The following OPA3 variants were observed in gnomAD, a reference collection of about 807,000 sequenced individuals.
OPA3 encodes optic atrophy 3 protein.
Under a neutral mutation model 4.0 loss-of-function variants are expected in OPA3, and 6 were observed. The ratio of observed to expected loss-of-function variants is 1.51; its 90% CI spans 0.83 to 2.99. OPA3 has a LOEUF of 2.99. Among genes scored for constraint, OPA3 ranks in the 30% most tolerant of loss-of-function variants. The pLI is 0.00. For missense variants in OPA3, 235 were observed against 256.2 expected (o/e 0.92, Z 0.56); for synonymous variants, 105 against 117.1 (o/e 0.90, Z 0.67).
At chr19:45,580,695 T>C (rs1283839882) in intron 1 of OPA3, among the ~76,000 whole-genome samples, 2 of 151,366 alleles carry the variant, frequency 1.3e-5, no homozygotes, top group African/African-American at 4.9e-5. Flanking sequence ...CTTGGCTCAC[T>C]GCAACCTCTG....
At chr19:45,557,002 A>G (rs1171106114) in intron 1 of OPA3, among the ~76,000 whole-genome samples, 1 of 152,152 alleles carries the variant, frequency 6.6e-6, no homozygotes, top group East Asian at 1.9e-4. Flanking sequence ...CACTCGCCAG[A>G]CCTGGTGGTG....
At position 45,553,273 on chromosome 19, in the gene OPA3, G is replaced by A. The variant is rs1243189254; in HGVS notation, c.*241C>T. 2 of 1,424,174 alleles carry A rather than the reference G, an allele frequency of 1.4e-6. No individual in the cohort carries two copies. The highest frequency in any genetic ancestry group is 2.6e-5 in the East Asian group (1 of 39,170). 88.2% of individuals were successfully genotyped at this position (1,424,174 alleles called of 1,614,324 possible). On this transcript the variant is annotated 3_prime_UTR_variant, in exon 2 of 2. Transcript: ENST00000263275. ...CCTGCTGGCTGGGACCTTGCAGGTC[G>A]TCCTGGTTTGGAGTGGGGGATAGGA...
downstream of OPA3, among the ~76,000 whole-genome samples, chr19:45,545,737 G>A (rs919949208): frequency 7.0e-5 from 10 of 142,580 alleles, no homozygotes; most frequent in African/African-American, 2.6e-4. Flanking sequence ...TTTTGAGATG[G>A]AGTCTCACTC....
At chr19:45,559,801 G>A (rs1969478211) in intron 1 of OPA3, among the ~76,000 whole-genome samples, 1 of 151,378 alleles carries the variant, frequency 6.6e-6, no homozygotes, top group South Asian at 2.1e-4. Context: ...CATAGGCTGG[G>A]TCAGACACAT....
In OPA3 at chr19:45,548,952, C is replaced by T. The variant is rs1302801192; in HGVS notation, c.*4562G>A. 6.4e-6 allele frequency: 2 copies of T among 312,914 alleles called. No individual in the cohort carries two copies. The highest frequency in any genetic ancestry group is 2.3e-5 in the African/African-American group (1 of 44,040). 19.4% of individuals were successfully genotyped at this position (312,914 alleles called of 1,614,324 possible). A position where few individuals can be genotyped will look rare whatever the true frequency, so the allele number is the denominator to read the frequency against. Reference sequence around the variant, plus strand: ...CCGAGTAGGTGGGATTACAGGTGCACAACCACCATGCCCAGCTAATTTTTG... The same window carrying T: ...CCGAGTAGGTGGGATTACAGGTGCATAACCACCATGCCCAGCTAATTTTTG... On this transcript the variant is annotated 3_prime_UTR_variant, in exon 2 of 2. Coordinates refer to ENST00000263275, the MANE Select transcript of OPA3 (RefSeq NM_025136.4).
downstream of OPA3, among the ~76,000 whole-genome samples, chr19:45,543,035 G>A (rs1356876063): frequency 6.6e-6 from 1 of 150,562 alleles, no homozygotes; most frequent in Admixed American, 6.6e-5. Flanking sequence ...TTTGAGACAG[G>A]GTCTCACTCT....
chr19:45,577,990 G>A (rs898045093), intron 1 of OPA3, among the ~76,000 whole-genome samples: 5 of 152,302 alleles, frequency 3.3e-5, no homozygotes, highest in East Asian at 3.9e-4. Context: ...GGTGGCTCAC[G>A]CCTGTAATCC....
chr19:45,572,491 GATATATGAGATATATATC>G (rs1265485964), intron 1 of OPA3, among the ~76,000 whole-genome samples: 1 of 115,116 alleles, frequency 8.7e-6, no homozygotes, highest in African/African-American at 2.9e-5. Flanking sequence ...TATATATCGA[GATATATGAGATATATATC>G]ATATATGAGA....
chr19:45,553,914 G>T lies in OPA3; in HGVS notation c.143-3C>A. On this transcript the variant is annotated splice_polypyrimidine_tract_variant and splice_region_variant and intron_variant, in intron 1 of 1. Coordinates refer to ENST00000263275, the MANE Select transcript of OPA3 (RefSeq NM_025136.4). Reference sequence around the variant, plus strand: ...CCGCATCTCCACCCAGTGATACACTGCGGGGGAAGAGAGGGGTCAGGCTGC... The same window carrying T: ...CCGCATCTCCACCCAGTGATACACTTCGGGGGAAGAGAGGGGTCAGGCTGC... 1 of 1,602,042 alleles carries T rather than the reference G, an allele frequency of 6.2e-7. No individual in the cohort carries two copies. The highest frequency in any genetic ancestry group is 8.5e-7 in the Non-Finnish European group (1 of 1,170,898).
chr19:45,528,771 T>C (rs1449944822), exon 2 of OPA3: 1 of 386,276 alleles, frequency 2.6e-6, no homozygotes, highest in South Asian at 6.5e-5. Flanking sequence ...ACGCTGTCTT[T>C]CCAAAGTGCT....
downstream of OPA3, among the ~76,000 whole-genome samples, chr19:45,544,165 T>A (rs1263473325): frequency 1.3e-5 from 2 of 152,192 alleles, no homozygotes; most frequent in Non-Finnish European, 2.9e-5. Context: ...CATTTTGGGA[T>A]CTGAGCCCAT....
At chr19:45,555,211 T>C (rs1969402546) in intron 1 of OPA3, among the ~76,000 whole-genome samples, 1 of 152,248 alleles carries the variant, frequency 6.6e-6, no homozygotes, top group African/African-American at 2.4e-5. Flanking sequence ...AATTTCTGTA[T>C]GTATTTTGGT....
chr19:45,581,832 T>C (rs540704370), intron 1 of OPA3, among the ~76,000 whole-genome samples: 3 of 152,224 alleles, frequency 2.0e-5, no homozygotes, highest in Non-Finnish European at 4.4e-5. Flanking sequence ...ACAGTCTTGC[T>C]CTGTTGCCCA....
chr19:45,538,289 T>C (rs549892364), intron 1 of OPA3, among the ~76,000 whole-genome samples: 1 of 151,742 alleles, frequency 6.6e-6, no homozygotes, highest in Non-Finnish European at 1.5e-5. Context: ...GGTGTGGTGG[T>C]GTATGCCTGT....
intron 1 of OPA3, among the ~76,000 whole-genome samples, chr19:45,573,667 C>T (rs1053777322): frequency 5.9e-5 from 9 of 152,034 alleles, no homozygotes; most frequent in African/African-American, 2.2e-4. Context: ...GGTTCGAGGC[C>T]GCGCTGCAAA....
intron 1 of OPA3, among the ~76,000 whole-genome samples, chr19:45,578,078 C>T (rs1969794700): frequency 6.6e-6 from 1 of 152,216 alleles, no homozygotes; most frequent in Non-Finnish European, 1.5e-5. Context: ...CTTCCAACCT[C>T]CAAGCTGTCC....
intron 1 of OPA3, among the ~76,000 whole-genome samples, chr19:45,561,116 C>T (rs1969495630): frequency 6.6e-6 from 1 of 152,028 alleles, no homozygotes; most frequent in Admixed American, 6.6e-5. Flanking sequence ...GGTGGATCAC[C>T]TGAGGTCGGG....
intron 1 of OPA3, among the ~76,000 whole-genome samples, chr19:45,554,373 T>A (rs1220854006): frequency 1.3e-5 from 2 of 152,196 alleles, no homozygotes. Flanking sequence ...CGATGCTAAG[T>A]GCCTCTGAAC....
Position 45,582,408 on chromosome 19 carries a change from C to G in OPA3, c.142+2215G>C, listed in dbSNP as rs541459911. 1.3e-4 allele frequency among the ~76,000 whole-genome samples: 20 copies of G among 152,288 alleles called. No individual in the cohort carries two copies. The East Asian group carries it at 1.9e-3, about 15-fold the overall frequency. ...CTCCTGACCTCAGGTGCTCCACCCC[C>G]CTCAGCCTTCCAAAGTGCTAGGATT... On this transcript the variant is annotated intron_variant, in intron 1 of 1. Transcript: ENST00000263275.
Sources: gnomAD v4.1 joint callset for allele counts (sites outside exome capture counted in the v4.1 genomes callset) on GRCh38, gnomAD v4.1.1 for gene constraint, MANE v1.5 for transcripts, NCBI Gene and HGNC (gene_info 2026-07-23, HGNC 2026-07-21) for gene names.